ZNF479: variants seen among roughly 807,000 people sequenced by gnomAD.
ZNF479 encodes zinc finger protein 479.
A neutral mutation model predicts 14.7 loss-of-function variants in ZNF479; 15 were observed. That is an observed-to-expected ratio of 1.02 (90% CI 0.68 to 1.57). The LOEUF (loss-of-function observed/expected upper bound fraction) is 1.57, where lower values mean the gene tolerates loss of function less well. Among genes scored for constraint, ZNF479 ranks in the 40% most tolerant of loss-of-function variants. ZNF479 has a pLI of 0.00. For missense variants in ZNF479, 506 were observed against 615.1 expected, an observed-to-expected ratio of 0.82 and a Z score of 1.88; for synonymous variants, 145 against 211.5, an observed-to-expected ratio of 0.69 and a Z score of 2.73.
rs1308151347 is a variant in ZNF479, at chr7:57,117,864, A to G, written c.*1976T>C. On this transcript the variant is annotated 3_prime_UTR_variant, in exon 4 of 4. Coordinates refer to ENST00000319636, the MANE Select transcript of ZNF479 (RefSeq NM_001370129.2). Reference sequence around the variant, plus strand: ...TTCAGAAACTATTTTTTTATAGAAGAAAGAAGCATACCTCGAAGGTAATTA... The same window carrying G: ...TTCAGAAACTATTTTTTTATAGAAGGAAGAAGCATACCTCGAAGGTAATTA... 2.0e-5 allele frequency among the ~76,000 whole-genome samples: 3 copies of G among 152,256 alleles called. No homozygotes were observed. The highest frequency in any genetic ancestry group is 7.2e-5 in the African/African-American group (3 of 41,474).
rs11769845 is a variant in ZNF479 at position 57,119,223 on chromosome 7, A to G, written c.*617T>C. Among the ~76,000 whole-genome samples the G allele has an allele frequency of 0.15, 23,372 of 152,212 alleles. 1,819 individuals are homozygous for G. Among genetic ancestry groups the G allele is most frequent in the Admixed American group, 0.19 (2,910 of 15,276 alleles). On this transcript the variant is annotated 3_prime_UTR_variant, in exon 4 of 4. Coordinates refer to ENST00000319636, the MANE Select transcript of ZNF479 (RefSeq NM_001370129.2). ...TAATAAGGGTTCAAGACTAGTTAAC[A>G]GCTTTACCACATTCTTTGCTTTTGT...
chr7:57,136,472 T>C (rs186928068), upstream of ZNF479, among the ~76,000 whole-genome samples: 440 of 152,282 alleles, frequency 2.9e-3, 2 homozygotes, highest in Non-Finnish European at 3.7e-3. Flanking sequence ...AATTTCCCTC[T>C]TGTTTTATGT....
chr7:57,136,351 T>C (rs1457224140), upstream of ZNF479, among the ~76,000 whole-genome samples: 1 of 151,054 alleles, frequency 6.6e-6, no homozygotes, highest in African/African-American at 2.4e-5. Flanking sequence ...GCTACTGCAC[T>C]CCAGCCTGGG....
upstream of ZNF479, among the ~76,000 whole-genome samples, chr7:57,137,026 G>C (rs901976939): frequency 1.3e-5 from 2 of 152,288 alleles, no homozygotes; most frequent in East Asian, 1.9e-4. Context: ...AAAAAGAAAG[G>C]CTCATTGGTT....
intron 1 of ZNF479, among the ~76,000 whole-genome samples, chr7:57,127,732 A>G (rs1411620778): frequency 1.3e-5 from 2 of 152,172 alleles, no homozygotes; most frequent in Admixed American, 1.3e-4. Flanking sequence ...TGTCCTTAAC[A>G]ATTAAGAGAA....
chr7:57,128,164 C>T (rs1283422104), intron 1 of ZNF479, among the ~76,000 whole-genome samples: 2 of 152,028 alleles, frequency 1.3e-5, no homozygotes, highest in African/African-American at 4.8e-5. Context: ...GCCTTGAACT[C>T]CTGACCTCAC....
chr7:57,133,127 T>TGAG (rs1172234621), upstream of ZNF479, among the ~76,000 whole-genome samples: 1 of 151,916 alleles, frequency 6.6e-6, no homozygotes, highest in East Asian at 1.9e-4. Context: ...CAGAGAGACT[T>TGAG]CCTCTGAAAG....
intron 3 of ZNF479, 44 bp from the exon 4 acceptor site, chr7:57,121,196 A>G (rs1785930926): frequency 1.2e-6 from 2 of 1,612,878 alleles, no homozygotes; most frequent in African/African-American, 1.3e-5. Context: ...TTCTGGACTC[A>G]TATAAATATA....
At chr7:57,124,604 A>T (rs1786078515) in intron 3 of ZNF479, among the ~76,000 whole-genome samples, 1 of 152,208 alleles carries the variant, frequency 6.6e-6, no homozygotes, top group African/African-American at 2.4e-5. Context: ...GAACAGAAAA[A>T]TTTAATTGGG....
Position 57,132,314 on chromosome 7 carries a change from C to T in ZNF479, c.11G>A (p.Arg4Lys). The change falls in exon 1 of 4, where the codon AGA becomes AAA. Residue 4 changes from arginine to lysine, a missense_variant. Arg to Lys is a conservative substitution (Grantham distance 26). Transcript: ENST00000319636. The stretch of plus-strand genomic sequence containing the variant: ...TTCTCGGCTTCCAGGGGGTCCTGGT[C>T]TTTTAGCCATAAATCTGCAGATACC... MAK[R>K]PGPPGSREMG... 1 of 1,614,094 alleles carries T rather than the reference C, an allele frequency of 6.2e-7. No homozygotes were observed.
chr7:57,138,995 G>A (rs1269000372), intron 1 of ZNF479, among the ~76,000 whole-genome samples: 1 of 152,128 alleles, frequency 6.6e-6, no homozygotes, highest in African/African-American at 2.4e-5. Flanking sequence ...CTCATGCTTG[G>A]GCTTAGGGCA....
chr7:57,117,925 A>G lies in ZNF479; in HGVS notation c.*1915T>C, dbSNP rs1474274985. ...AAAAAACTACTTCTTTAACATGTAT[A>G]TGGTGTTAGCTTTGGATCTCTTTTA... On this transcript the variant is annotated 3_prime_UTR_variant, in exon 4 of 4. Transcript: ENST00000319636. Among the ~76,000 whole-genome samples, 6 of 152,380 alleles carry G rather than the reference A, an allele frequency of 3.9e-5. No individual in the cohort carries two copies. The highest frequency in any genetic ancestry group is 1.3e-4 in the Admixed American group (2 of 15,304).
At chr7:57,134,606 T>A (rs957448307), upstream of ZNF479, among the ~76,000 whole-genome samples, 5 of 152,034 alleles carry the variant, frequency 3.3e-5, no homozygotes, top group Non-Finnish European at 7.4e-5. Context: ...TTCCTCTACT[T>A]TCCTAATAAA....
At chr7:57,122,258 GA>G (rs565708184) in intron 3 of ZNF479, among the ~76,000 whole-genome samples, 2 of 151,296 alleles carry the variant, frequency 1.3e-5, no homozygotes, top group African/African-American at 4.8e-5. Flanking sequence ...GTCAAAGGCT[GA>G]AAAAAATTTT....
intron 1 of ZNF479, among the ~76,000 whole-genome samples, chr7:57,138,178 A>G (rs1354934502): frequency 6.6e-6 from 1 of 152,202 alleles, no homozygotes; most frequent in Non-Finnish European, 1.5e-5. Flanking sequence ...GGCCCAGCTC[A>G]CAGGTATAAT....
chr7:57,129,340 A>G (rs2115885588), intron 1 of ZNF479, among the ~76,000 whole-genome samples: 1 of 152,292 alleles, frequency 6.6e-6, no homozygotes, highest in Non-Finnish European at 1.5e-5. Flanking sequence ...GCAGGATCCA[A>G]AAGGGTCCAG....
At position 57,118,126 on chromosome 7, in the gene ZNF479, A is replaced by G. The variant is rs200898089; in HGVS notation, c.*1714T>C. ...TGTTTTCTAAGCTGGAGGTTTTGAA[A>G]AAATGTTTTTCACATTCATTACATG... On this transcript the variant is annotated 3_prime_UTR_variant, in exon 4 of 4. Coordinates refer to ENST00000319636, the MANE Select transcript of ZNF479 (RefSeq NM_001370129.2). Among the ~76,000 whole-genome samples, 1 of 140,086 alleles carries G rather than the reference A, an allele frequency of 7.1e-6. No homozygotes were observed. 91.9% of individuals were successfully genotyped at this position (140,086 alleles called of 152,430 possible).
At position 57,120,889 on chromosome 7, in the gene ZNF479, T is replaced by C; in HGVS notation, c.526A>G (p.Lys176Glu). Residue 176 changes from lysine (K) to glutamate (E), a missense_variant, in exon 4 of 4, where the codon AAA (lysine) becomes GAA (glutamate). Lys to Glu is a moderately conservative substitution (Grantham distance 56). Transcript: ENST00000319636. Reference protein sequence around the residue: ...FGKFSNSNRDKTRYTGNKHFK... With the variant: ...FGKFSNSNRDETRYTGNKHFK... ...TGTTTATTTCCAGTATATCTTGTTTTATCTCTATTGGAATTTGAAAATTTA... is the reference window on the plus strand; with the variant it reads ...TGTTTATTTCCAGTATATCTTGTTTCATCTCTATTGGAATTTGAAAATTTA... 1.2e-6 allele frequency: 2 copies of C among 1,613,934 alleles called. No individual in the cohort carries two copies. Among genetic ancestry groups the C allele is most frequent in the Non-Finnish European group, 1.7e-6 (2 of 1,179,958 alleles).
intron 1 of ZNF479, among the ~76,000 whole-genome samples, chr7:57,129,424 AAGC>A (rs1786322784): frequency 6.6e-6 from 1 of 152,172 alleles, no homozygotes; most frequent in Non-Finnish European, 1.5e-5. Flanking sequence ...TAGCAAGAGA[AAGC>A]AGGCACAGCA....
Sources: allele counts gnomAD v4.1 joint callset (sites outside exome capture counted in the v4.1 genomes callset), GRCh38; gene constraint gnomAD v4.1.1; transcripts MANE v1.5; gene names NCBI Gene and HGNC (gene_info 2026-07-23, HGNC 2026-07-21).